The following AIG1 variants were observed in gnomAD, a reference collection of about 807,000 sequenced individuals.
AIG1 encodes androgen induced 1, also known as androgen-induced gene 1 protein.
A neutral mutation model predicts 31.4 loss-of-function variants in AIG1; 23 were observed. That is an observed-to-expected ratio of 0.73 (90% CI 0.53 to 1.04). The LOEUF is 1.04. Ranked by LOEUF, AIG1 falls within the 50% of genes least tolerant of loss-of-function variation. The pLI is 0.00. For missense variants in AIG1, 274 were observed against 295.0 expected (o/e 0.93, Z 0.52); for synonymous variants, 100 against 110.5 (o/e 0.90, Z 0.60).
chr6:143,259,819 A>G (rs1795623191), intron 3 of AIG1, among the ~76,000 whole-genome samples: 1 of 152,114 alleles, frequency 6.6e-6, no homozygotes, highest in South Asian at 2.1e-4. Context: ...GCACTAGGAG[A>G]GCAGTAGCGG....
chr6:143,128,754 G>A (rs1221897000), intron 1 of AIG1, among the ~76,000 whole-genome samples: 1 of 152,158 alleles, frequency 6.6e-6, no homozygotes, highest in African/African-American at 2.4e-5. Flanking sequence ...TCTGTAATGG[G>A]ATTTGTTAAC....
intron 1 of AIG1, among the ~76,000 whole-genome samples, chr6:143,079,465 G>A (rs1357106162): frequency 6.6e-6 from 1 of 152,136 alleles, no homozygotes; most frequent in African/African-American, 2.4e-5. Context: ...ACCTGTCATT[G>A]TGTAATTTTC....
At chr6:143,251,930 A>G (rs540920379) in intron 3 of AIG1, among the ~76,000 whole-genome samples, 1 of 152,280 alleles carries the variant, frequency 6.6e-6, no homozygotes, top group East Asian at 1.9e-4. Context: ...CTTCATCTCC[A>G]AAGCTTAATC....
rs569682078 is a variant in AIG1 at position 143,072,362 on chromosome 6, G to A, written c.141+11296G>A. Among the ~76,000 whole-genome samples the A allele has an allele frequency of 1.8e-4, 28 of 152,046 alleles. No homozygotes were observed. In the East Asian group the frequency reaches 4.6e-3, roughly 25 times the overall value. ...TTCTTTTTTTTATTTAGACTATCAT[G>A]TCACCTGTTAATAGAGACATTTTAT... On this transcript the variant is annotated intron_variant, in intron 1 of 5. Coordinates refer to ENST00000357847, the MANE Select transcript of AIG1 (RefSeq NM_016108.4).
At chr6:143,060,516 C>T (rs1216527561), upstream of AIG1, 4 of 258,490 alleles carry the variant, frequency 1.5e-5, no homozygotes, top group African/African-American at 9.4e-5. Context: ...CCACAGGGCC[C>T]GCTTCCCCCT....
chr6:143,271,473 A>T (rs1171796103), intron 3 of AIG1, among the ~76,000 whole-genome samples: 2 of 152,246 alleles, frequency 1.3e-5, no homozygotes, highest in Non-Finnish European at 1.5e-5. Context: ...CATGTCAAAC[A>T]TAATTGCTCT....
chr6:143,199,519 A>T (rs1290114689), intron 3 of AIG1, among the ~76,000 whole-genome samples: 1 of 152,240 alleles, frequency 6.6e-6, no homozygotes, highest in Non-Finnish European at 1.5e-5. Context: ...TTGTTCCAAG[A>T]AACAAAAATA....
intron 1 of AIG1, among the ~76,000 whole-genome samples, chr6:143,113,935 C>A (rs774575144): frequency 6.6e-5 from 10 of 151,902 alleles, no homozygotes; most frequent in Non-Finnish European, 1.3e-4. Context: ...CCACCACGCC[C>A]GGCTAACTTT....
chr6:143,223,603 G>A (rs7740762), intron 3 of AIG1, among the ~76,000 whole-genome samples: 21,401 of 152,048 alleles, frequency 0.14, 2,008 homozygotes, highest in African/African-American at 0.28. Flanking sequence ...CGGCAACAGG[G>A]TCTGAATTAT....
In AIG1 at chr6:143,340,636, G is replaced by T. The variant is rs1485592151; in HGVS notation, c.*960G>T. On this transcript the variant is annotated 3_prime_UTR_variant, in exon 6 of 6. Transcript: ENST00000357847. ...CTGCCACACGCCCGGCTTATTTTTTGTATTTTTAGTAGAGACGGGGTTTCA... is the reference window on the plus strand; with the variant it reads ...CTGCCACACGCCCGGCTTATTTTTTTTATTTTTAGTAGAGACGGGGTTTCA... Among the ~76,000 whole-genome samples the T allele has an allele frequency of 1.3e-5, 2 of 151,898 alleles. No homozygotes were observed. Among genetic ancestry groups the T allele is most frequent in the African/African-American group, 4.8e-5 (2 of 41,340 alleles).
At chr6:143,342,418 G>A (rs2128728871), downstream of AIG1, 1 of 744,732 alleles carries the variant, frequency 1.3e-6, no homozygotes, top group Admixed American at 1.9e-5. Context: ...AAAGAACCCA[G>A]TAAGGTTGAA....
At chr6:143,248,339 C>T (rs574688664) in intron 3 of AIG1, among the ~76,000 whole-genome samples, 15 of 152,320 alleles carry the variant, frequency 9.8e-5, no homozygotes, top group African/African-American at 3.4e-4. Flanking sequence ...AAGGGCCTTC[C>T]TTCCTCCCAT....
chr6:143,198,388 G>A (rs1790426225), intron 3 of AIG1, among the ~76,000 whole-genome samples: 1 of 152,212 alleles, frequency 6.6e-6, no homozygotes, highest in Non-Finnish European at 1.5e-5. Flanking sequence ...GACAGAATCT[G>A]ACAGCTAGTA....
chr6:143,341,063 C>T (rs1187645762), downstream of AIG1, among the ~76,000 whole-genome samples: 2 of 152,060 alleles, frequency 1.3e-5, no homozygotes, highest in Non-Finnish European at 2.9e-5. Context: ...CTCTTCCTTC[C>T]GTCTCTCTGT....
At chr6:143,294,648 T>C (rs4896637) in intron 4 of AIG1, among the ~76,000 whole-genome samples, 41,299 of 151,830 alleles carry the variant, frequency 0.27, 7,223 homozygotes, top group African/African-American at 0.5. Context: ...TTTAGCAAAA[T>C]TTTGGCTGAT....
chr6:143,238,909 C>T (rs1171387449), intron 3 of AIG1, among the ~76,000 whole-genome samples: 1 of 152,188 alleles, frequency 6.6e-6, no homozygotes, highest in African/African-American at 2.4e-5. Context: ...GTTACAACTT[C>T]CCTTTCATCT....
chr6:143,186,632 A>G (rs1006736245), intron 3 of AIG1: 1 of 152,202 alleles, frequency 6.6e-6, no homozygotes, highest in Non-Finnish European at 1.5e-5. Flanking sequence ...CGCACGTACT[A>G]ATATGTCTTT....
At chr6:143,137,142 A>C (rs1783835825) in intron 2 of AIG1, 152 bp downstream of exon 2, 2 of 856,178 alleles carry the variant, frequency 2.3e-6, no homozygotes, top group African/African-American at 3.5e-5. Context: ...CTTAAACAAC[A>C]AACATTTATT....
intron 4 of AIG1, among the ~76,000 whole-genome samples, chr6:143,321,331 G>T (rs775634678): frequency 6.6e-6 from 1 of 151,806 alleles, no homozygotes; most frequent in African/African-American, 2.4e-5. Context: ...CAGGCAAAGT[G>T]GCTCACACCT....
Sources: gnomAD v4.1 joint callset for allele counts (sites outside exome capture counted in the v4.1 genomes callset) on GRCh38, gnomAD v4.1.1 for gene constraint, MANE v1.5 for transcripts, NCBI Gene and HGNC (gene_info 2026-07-23, HGNC 2026-07-21) for gene names.